RPS6KC1: variants seen among roughly 807,000 people sequenced by gnomAD.
The protein encoded by RPS6KC1 is inactive ribosomal protein S6 kinase delta-1.
In RPS6KC1, 54 loss-of-function variants were observed where a neutral mutation model predicts 103.8. The observed-to-expected ratio is 0.52, with a 90% CI of 0.42 to 0.65. The LOEUF is 0.65. Ranked by LOEUF, RPS6KC1 falls within the 30% of genes least tolerant of loss-of-function variation. The pLI is 0.00. For missense variants in RPS6KC1, 1,151 were observed against 1,253.8 expected (o/e 0.92, Z 1.24); for synonymous variants, 439 against 438.7 (o/e 1.00, Z -0.01).
At chr1:213,195,309 TA>T (rs1352677225) in intron 8 of RPS6KC1, among the ~76,000 whole-genome samples, 1 of 152,204 alleles carries the variant, frequency 6.6e-6, no homozygotes, top group East Asian at 1.9e-4. Flanking sequence ...CCTATAATAG[TA>T]TACTGTAGAT....
At chr1:213,384,592 T>C in the RPS6KC1 span, among the ~76,000 whole-genome samples, 16 of 151,966 alleles carry the variant, frequency 1.1e-4, no homozygotes, top group African/African-American at 3.9e-4. Context: ...GAGGGGATGG[T>C]GATTTATCGA....
At chr1:213,648,128 A>G in the RPS6KC1 span, among the ~76,000 whole-genome samples, 1 of 152,168 alleles carries the variant, frequency 6.6e-6, no homozygotes, top group African/African-American at 2.4e-5. Context: ...GCAAAGCACC[A>G]TGTATTTTGA....
At chr1:213,709,530 G>T in the RPS6KC1 span, among the ~76,000 whole-genome samples, 2,085 of 151,968 alleles carry the variant, frequency 0.014, 42 homozygotes, top group African/African-American at 0.046. Flanking sequence ...TTTTTGAAGG[G>T]TTTTTTGTGC....
downstream of RPS6KC1, among the ~76,000 whole-genome samples, chr1:213,277,226 C>G (rs2095114078): frequency 6.6e-6 from 1 of 152,228 alleles, no homozygotes; most frequent in African/African-American, 2.4e-5. Flanking sequence ...TTTTGTGACT[C>G]AGCATCACTT....
intron 3 of RPS6KC1, among the ~76,000 whole-genome samples, chr1:213,080,246 G>A (rs61834093): frequency 0.034 from 5,186 of 151,908 alleles, 121 homozygotes; most frequent in Middle Eastern, 0.055. Flanking sequence ...CAACTTTTAC[G>A]TATCTATTGA....
the RPS6KC1 span, among the ~76,000 whole-genome samples, chr1:213,665,222 A>ACAC: frequency 6.6e-6 from 1 of 151,966 alleles, no homozygotes; most frequent in Non-Finnish European, 1.5e-5. Flanking sequence ...AACAACAACA[A>ACAC]CACATTTTTC....
the RPS6KC1 span, among the ~76,000 whole-genome samples, chr1:213,753,461 G>C: frequency 5.9e-5 from 9 of 152,130 alleles, no homozygotes; most frequent in African/African-American, 1.9e-4. Context: ...CATCCTTTGG[G>C]TCAAAATAAG....
At chr1:213,602,116 CTTTCTCTTTCTTTCTT>C in the RPS6KC1 span, among the ~76,000 whole-genome samples, 1 of 33,070 alleles carries the variant, frequency 3.0e-5, no homozygotes, top group African/African-American at 1.3e-4. Flanking sequence ...TTCTTTCTTT[CTTTCTCTTTCTTTCTT>C]TCTTTCTTTC....
At chr1:213,577,729 G>C in the RPS6KC1 span, among the ~76,000 whole-genome samples, 1 of 152,212 alleles carries the variant, frequency 6.6e-6, no homozygotes, top group Non-Finnish European at 1.5e-5. Context: ...AAATTTCTAA[G>C]TAGCAAAGCA....
At chr1:213,777,095 C>T in the RPS6KC1 span, among the ~76,000 whole-genome samples, 1 of 152,102 alleles carries the variant, frequency 6.6e-6, no homozygotes, top group African/African-American at 2.4e-5. Context: ...CGAAGTTTCT[C>T]AATATCAGCA....
At chr1:213,542,372 C>T in the RPS6KC1 span, among the ~76,000 whole-genome samples, 1 of 152,220 alleles carries the variant, frequency 6.6e-6, no homozygotes, top group Admixed American at 6.5e-5. Context: ...AGTCCCCCTC[C>T]CGCTGGGGGA....
the RPS6KC1 span, among the ~76,000 whole-genome samples, chr1:213,718,506 G>C: frequency 6.6e-6 from 1 of 152,218 alleles, no homozygotes; most frequent in Non-Finnish European, 1.5e-5. Flanking sequence ...TGGAATACAT[G>C]GTAGCCTCTC....
chr1:213,304,747 G>T, the RPS6KC1 span, among the ~76,000 whole-genome samples: 5 of 152,004 alleles, frequency 3.3e-5, no homozygotes, highest in African/African-American at 1.2e-4. Flanking sequence ...CTCCATGTTG[G>T]TCAGGCTGGT....
At chr1:213,266,411 C>T (rs1428055398) in intron 14 of RPS6KC1, among the ~76,000 whole-genome samples, 3 of 152,118 alleles carry the variant, frequency 2.0e-5, no homozygotes, top group Non-Finnish European at 4.4e-5. Flanking sequence ...ATTTCAGTTG[C>T]ACTTGACTAC....
intron 8 of RPS6KC1, among the ~76,000 whole-genome samples, chr1:213,192,534 T>C (rs1157956904): frequency 6.6e-6 from 1 of 152,174 alleles, no homozygotes; most frequent in East Asian, 1.9e-4. Flanking sequence ...CTTTTTATTA[T>C]GCTTTCAATC....
At chr1:213,630,714 A>G in the RPS6KC1 span, among the ~76,000 whole-genome samples, 1 of 151,774 alleles carries the variant, frequency 6.6e-6, no homozygotes, top group African/African-American at 2.4e-5. Context: ...GGTTTTATCT[A>G]CCTTTGGCTT....
At chr1:213,232,563 T>A (rs746481303) in intron 10 of RPS6KC1, among the ~76,000 whole-genome samples, 1 of 152,194 alleles carries the variant, frequency 6.6e-6, no homozygotes, top group Non-Finnish European at 1.5e-5. Flanking sequence ...TTTATTTTAG[T>A]GGTATTTTGT....
At chr1:213,557,445 T>A in the RPS6KC1 span, among the ~76,000 whole-genome samples, 137 of 152,284 alleles carry the variant, frequency 9.0e-4, 2 homozygotes, top group Non-Finnish European at 1.6e-3. Flanking sequence ...GCTTGTGCTG[T>A]GCAGGACATA....
intron 1 of RPS6KC1, among the ~76,000 whole-genome samples, chr1:213,069,203 T>C (rs2078644739): frequency 6.6e-6 from 1 of 152,170 alleles, no homozygotes; most frequent in Admixed American, 6.5e-5. Context: ...AACCTTTTTT[T>C]CCGTTATCAC....
Sources: gnomAD v4.1 joint callset for allele counts (sites outside exome capture counted in the v4.1 genomes callset) on GRCh38, gnomAD v4.1.1 for gene constraint, MANE v1.5 for transcripts, NCBI Gene and HGNC (gene_info 2026-07-23, HGNC 2026-07-21) for gene names.